The following FAM185A variants were observed in gnomAD, a reference collection of about 807,000 sequenced individuals.
FAM185A encodes the protein protein FAM185A.
FAM185A carries 21 observed loss-of-function variants against 45.7 expected under a neutral mutation model. The observed-to-expected ratio is 0.46, with a 90% CI of 0.33 to 0.66. The LOEUF (loss-of-function observed/expected upper bound fraction) is 0.66, where lower values mean the gene tolerates loss of function less well. Ranked by LOEUF, FAM185A falls within the 30% of genes least tolerant of loss-of-function variation. The probability of loss-of-function intolerance (pLI) is 0.03; values close to 1 mark genes in which losing one functional copy is unlikely to be tolerated. For synonymous variants in FAM185A, 117 were observed against 194.0 expected, an observed-to-expected ratio of 0.60 and a Z score of 3.30; for missense variants, 305 against 485.4, an observed-to-expected ratio of 0.63 and a Z score of 3.49.
the FAM185A span, chr7:102,822,360 G>A: frequency 1.3e-6 from 1 of 769,212 alleles, no homozygotes; most frequent in East Asian, 2.7e-5. Flanking sequence ...GGAAGTCCAA[G>A]ACTGAGATAA....
the FAM185A span, among the ~76,000 whole-genome samples, chr7:102,833,593 ATTCTTTTT>A: frequency 6.7e-6 from 1 of 148,530 alleles, no homozygotes; most frequent in Admixed American, 6.7e-5. Flanking sequence ...CGCCCGGCTA[ATTCTTTTT>A]TTTTTTTTTT....
intron 7 of FAM185A, among the ~76,000 whole-genome samples, chr7:102,793,527 T>C (rs1238165522): frequency 6.6e-6 from 1 of 151,970 alleles, no homozygotes; most frequent in African/African-American, 2.4e-5. Flanking sequence ...GGTGTTTTTA[T>C]TTCCCCACCT....
the FAM185A span, among the ~76,000 whole-genome samples, chr7:102,828,236 G>A: frequency 6.6e-6 from 1 of 152,108 alleles, no homozygotes; most frequent in Admixed American, 6.5e-5. Flanking sequence ...TCTTCCATTT[G>A]TTTGTATCCT....
chr7:102,826,747 ATATATATATATATATATATATATATG>A, the FAM185A span, among the ~76,000 whole-genome samples: 4 of 87,786 alleles, frequency 4.6e-5, no homozygotes, highest in Non-Finnish European at 7.9e-5. Flanking sequence ...ATATATATAT[ATATATATATATATATATATATATATG>A]TATATATATC....
At chr7:102,778,409 TATTA>T in intron 6 of FAM185A, among the ~76,000 whole-genome samples, 1 of 152,420 alleles carries the variant, frequency 6.6e-6, no homozygotes, top group South Asian at 2.1e-4. Flanking sequence ...TGTACTCCAT[TATTA>T]CAAAGATCCA....
intron 6 of FAM185A, among the ~76,000 whole-genome samples, chr7:102,781,021 G>T (rs368418037): frequency 1.3e-5 from 2 of 152,266 alleles, no homozygotes; most frequent in East Asian, 3.9e-4. Flanking sequence ...TATATCCCAC[G>T]CATGGCTCTG....
Position 102,749,054 on chromosome 7 carries a change from C to A in FAM185A, c.-154C>A. On this transcript the variant is annotated 5_prime_UTR_variant, in exon 1 of 8. Transcript: ENST00000413034. ...GATTGCGCGGCTGATGTTTAGAACG[C>A]CTAGTCAAGCCAACCGGCTCGCTCT... 8.4e-7 allele frequency: 1 copy of A among 1,196,328 alleles called. No individual in the cohort carries two copies. The highest frequency in any genetic ancestry group is 1.2e-6 in the Non-Finnish European group (1 of 829,808). The allele number at this position is 1,196,328 out of a possible 1,614,324, so 74.1% of individuals were successfully genotyped here. A position where few individuals can be genotyped will look rare whatever the true frequency, so the allele number is the denominator to read the frequency against.
chr7:102,789,506 C>T (rs192741356), intron 7 of FAM185A, among the ~76,000 whole-genome samples: 7 of 152,260 alleles, frequency 4.6e-5, no homozygotes, highest in African/African-American at 9.6e-5. Context: ...GTCAGGAGTT[C>T]GAGACCAGCG....
chr7:102,782,114 G>T (rs924982275), intron 6 of FAM185A, among the ~76,000 whole-genome samples: 2 of 152,170 alleles, frequency 1.3e-5, no homozygotes, highest in African/African-American at 4.8e-5. Context: ...AGAATAAAAA[G>T]AAATGAACAA....
At chr7:102,813,626 G>A, downstream of FAM185A, 3 of 1,251,464 alleles carry the variant, frequency 2.4e-6, no homozygotes, top group Non-Finnish European at 3.4e-6. Context: ...GGAATTCACT[G>A]TCACAATCTG....
chr7:102,839,654 G>T, the FAM185A span, among the ~76,000 whole-genome samples: 1 of 152,048 alleles, frequency 6.6e-6, no homozygotes, highest in Admixed American at 6.5e-5. Context: ...TCACCATGTT[G>T]GCAGCTGGTC....
chr7:102,805,147 A>T (rs1343631361), intron 7 of FAM185A, among the ~76,000 whole-genome samples: 2 of 152,172 alleles, frequency 1.3e-5, no homozygotes, highest in African/African-American at 4.8e-5. Context: ...CTAAAAGTAG[A>T]ACTACCATCT....
intron 7 of FAM185A, among the ~76,000 whole-genome samples, chr7:102,804,402 C>T (rs1205873766): frequency 4.6e-5 from 7 of 152,142 alleles, no homozygotes; most frequent in African/African-American, 9.7e-5. Flanking sequence ...AACTGATCTT[C>T]GAGAAAGCAA....
At chr7:102,826,724 CATATATATATATATATATATA>C in the FAM185A span, among the ~76,000 whole-genome samples, 1 of 62,712 alleles carries the variant, frequency 1.6e-5, no homozygotes, top group African/African-American at 4.6e-5. Context: ...GACCCTGTCT[CATATATATATATATATATATA>C]TATATATATA....
chr7:102,802,013 CT>C (rs1326694270), intron 7 of FAM185A, among the ~76,000 whole-genome samples: 1 of 151,806 alleles, frequency 6.6e-6, no homozygotes, highest in Non-Finnish European at 1.5e-5. Context: ...ATTTATGCAC[CT>C]ACCACTGAAG....
the FAM185A span, among the ~76,000 whole-genome samples, chr7:102,849,073 C>T: frequency 6.6e-6 from 1 of 152,156 alleles, no homozygotes; most frequent in Admixed American, 6.5e-5. Context: ...TAAGATGGAA[C>T]TTCTAATACG....
the FAM185A span, among the ~76,000 whole-genome samples, chr7:102,841,040 A>T: frequency 1.3e-5 from 2 of 152,168 alleles, no homozygotes; most frequent in Non-Finnish European, 2.9e-5. Context: ...ACAAATTATA[A>T]CATGGAGAAA....
At position 102,749,015 on chromosome 7, in the gene FAM185A, A is replaced by G. The variant is rs1165017843; in HGVS notation, c.-193A>G. ...TCAGAGTTTAGAGCTTTCAAATCCC[A>G]ACTTGCCCCTGGGGATTGCGCGGCT... On this transcript the variant is annotated 5_prime_UTR_variant, in exon 1 of 8. Transcript: ENST00000413034. 2.2e-6 allele frequency: 2 copies of G among 893,210 alleles called. No homozygotes were observed. Among genetic ancestry groups the G allele is most frequent in the Non-Finnish European group, 3.6e-6 (2 of 557,574 alleles). 55.3% of individuals were successfully genotyped at this position (893,210 alleles called of 1,614,324 possible).
chr7:102,755,599 T>G lies in FAM185A; in HGVS notation c.562-2255T>G, dbSNP rs931908732. On this transcript the variant is annotated intron_variant, in intron 2 of 7. Transcript: ENST00000413034. ...TTTGTGGATAACAAGAAAGCTCCGC[T>G]GGTGGTGACTGCACACGACATGGAT... is the stretch of plus-strand genomic sequence containing the variant. 2.2e-5 allele frequency: 14 copies of G among 625,210 alleles called. No homozygotes were observed. The African/African-American group carries it at 2.5e-4, about 11-fold the overall frequency. The allele number at this position is 625,210 out of a possible 1,614,324, so 38.7% of individuals were successfully genotyped here. A position where few individuals can be genotyped will look rare whatever the true frequency, so the allele number is the denominator to read the frequency against.
Sources: gnomAD v4.1 joint callset for allele counts (sites outside exome capture counted in the v4.1 genomes callset) on GRCh38, gnomAD v4.1.1 for gene constraint, MANE v1.5 for transcripts, NCBI Gene and HGNC (gene_info 2026-07-23, HGNC 2026-07-21) for gene names.